The following PCSK2 variants were observed in gnomAD, a reference collection of about 807,000 sequenced individuals.
PCSK2 encodes neuroendocrine convertase 2.
A neutral mutation model predicts 69.7 loss-of-function variants in PCSK2; 14 were observed. The observed-to-expected ratio is 0.20, with a 90% CI of 0.13 to 0.31. PCSK2 has a LOEUF of 0.31. Ranked by LOEUF, PCSK2 falls within the 10% of genes least tolerant of loss-of-function variation. The probability of loss-of-function intolerance (pLI) is 1.00; values close to 1 mark genes in which losing one functional copy is unlikely to be tolerated. For missense variants in PCSK2, 544 were observed against 842.5 expected (o/e 0.65, Z 4.39); for synonymous variants, 307 against 320.7 (o/e 0.96, Z 0.46).
At position 17,231,981 on chromosome 20, in the gene PCSK2, G is replaced by T. The variant is rs562843600; in HGVS notation, c.177+4499G>T. 2.3e-3 allele frequency among the ~76,000 whole-genome samples: 357 copies of T among 152,240 alleles called. 1 individual carries two copies. The highest frequency in any genetic ancestry group is 8.4e-3 in the African/African-American group (349 of 41,542). ...CCTTCAGGAAGAGCCCACTCTCCTT[G>T]CAAGGTTAACCTGATTCGTTCAAGC... On this transcript the variant is annotated intron_variant, in intron 1 of 11. Transcript: ENST00000262545.
At chr20:17,387,627 C>T (rs910304318) in intron 5 of PCSK2, among the ~76,000 whole-genome samples, 51 of 152,152 alleles carry the variant, frequency 3.4e-4, no homozygotes, top group African/African-American at 1.2e-3. Context: ...GCTACAATAT[C>T]TTTTACGATC....
intron 2 of PCSK2, among the ~76,000 whole-genome samples, chr20:17,269,124 T>C (rs1987757487): frequency 6.6e-6 from 1 of 152,168 alleles, no homozygotes; most frequent in South Asian, 2.1e-4. Flanking sequence ...AGATTTGTAT[T>C]AAGTAACCAA....
At chr20:17,460,061 C>G (rs77173099) in intron 10 of PCSK2, among the ~76,000 whole-genome samples, 1 of 152,116 alleles carries the variant, frequency 6.6e-6, no homozygotes, top group Non-Finnish European at 1.5e-5. Context: ...TTTAGGGTAC[C>G]GGGGTACCAT....
chr20:17,337,017 T>C (rs1344560164), intron 2 of PCSK2, among the ~76,000 whole-genome samples: 2 of 152,186 alleles, frequency 1.3e-5, no homozygotes, highest in East Asian at 3.9e-4. Context: ...CAAGAAACCA[T>C]GCATCAACAT....
intron 8 of PCSK2, among the ~76,000 whole-genome samples, chr20:17,443,737 C>A (rs2123363792): frequency 6.6e-6 from 1 of 152,282 alleles, no homozygotes; most frequent in Non-Finnish European, 1.5e-5. Context: ...CAGGATATTT[C>A]TCTCTCCTCC....
rs1990319986 is a variant in PCSK2, at chr20:17,335,426, T to TG, written c.283-22901_283-22900insG. Among the ~76,000 whole-genome samples, 9 of 140,186 alleles carry TG rather than the reference T, an allele frequency of 6.4e-5. No individual in the cohort carries two copies. In the South Asian group the frequency reaches 7.1e-4, roughly 11 times the overall value. 92.0% of individuals were successfully genotyped at this position (140,186 alleles called of 152,430 possible). A position where few individuals can be genotyped will look rare whatever the true frequency, so the allele number is the denominator to read the frequency against. ...AAGTCAGACAGCATCACAGCATCACTTTGTGTGTGTGTGTGTGTGTGTGTG... is the reference window on the plus strand; with the variant it reads ...AAGTCAGACAGCATCACAGCATCACTGTTGTGTGTGTGTGTGTGTGTGTGTG... On this transcript the variant is annotated intron_variant, in intron 2 of 11. Coordinates refer to ENST00000262545, the MANE Select transcript of PCSK2 (RefSeq NM_002594.5).
intron 2 of PCSK2, among the ~76,000 whole-genome samples, chr20:17,294,131 G>A (rs1988795998): frequency 8.2e-6 from 1 of 122,692 alleles, no homozygotes; most frequent in South Asian, 2.7e-4. Context: ...TTGAGACGGA[G>A]TCCCGCTGTT....
rs2031636803 is a variant in PCSK2 at position 17,401,511 on chromosome 20, G to A, written c.544-7752G>A. Among the ~76,000 whole-genome samples, 2 of 152,064 alleles carry A rather than the reference G, an allele frequency of 1.3e-5. 1 individual carries two copies. The highest frequency in any genetic ancestry group is 1.3e-4 in the Admixed American group (2 of 15,264). ...CCACCTCTTAATACAAACACACAGGGGGTTATATGTCAACATATGAATTTT... is the reference window on the plus strand; with the variant it reads ...CCACCTCTTAATACAAACACACAGGAGGTTATATGTCAACATATGAATTTT... On this transcript the variant is annotated intron_variant, in intron 5 of 11. Transcript: ENST00000262545.
At chr20:17,339,009 C>T (rs142725502) in intron 2 of PCSK2, among the ~76,000 whole-genome samples, 1 of 152,182 alleles carries the variant, frequency 6.6e-6, no homozygotes, top group African/African-American at 2.4e-5. Context: ...TCAAGGAATC[C>T]CGTCTAGTTT....
intron 11 of PCSK2, among the ~76,000 whole-genome samples, chr20:17,480,959 G>C (rs1307366333): frequency 6.6e-6 from 1 of 152,186 alleles, no homozygotes; most frequent in Non-Finnish European, 1.5e-5. Context: ...TCGTGCCTGG[G>C]GTGGGAAGCA....
rs529774300 is a variant in PCSK2, at chr20:17,406,359, T to C, written c.544-2904T>C. Among the ~76,000 whole-genome samples, 41 of 152,376 alleles carry C rather than the reference T, an allele frequency of 2.7e-4. No individual in the cohort carries two copies. In the South Asian group the frequency reaches 7.9e-3, roughly 29 times the overall value. ...CAGCCAAACAAGAATAACAACTGTT[T>C]GCCTTCCTTAATGTTCAGTGTAGAC... On this transcript the variant is annotated intron_variant, in intron 5 of 11. Transcript: ENST00000262545.
intron 2 of PCSK2, among the ~76,000 whole-genome samples, chr20:17,327,918 AC>A (rs1990109546): frequency 6.6e-6 from 1 of 152,202 alleles, no homozygotes; most frequent in Non-Finnish European, 1.5e-5. Context: ...CCTCAAAAAC[AC>A]CAAGTAAATC....
At chr20:17,397,073 T>C (rs2031527069) in intron 5 of PCSK2, among the ~76,000 whole-genome samples, 1 of 152,224 alleles carries the variant, frequency 6.6e-6, no homozygotes, top group African/African-American at 2.4e-5. Flanking sequence ...CACCTAGAGT[T>C]ACCTATGTGC....
intron 5 of PCSK2, among the ~76,000 whole-genome samples, chr20:17,369,587 G>A (rs1165163132): frequency 6.6e-6 from 1 of 152,204 alleles, no homozygotes; most frequent in Non-Finnish European, 1.5e-5. Context: ...TCCCATTGGA[G>A]CCACAGCTCA....
chr20:17,441,074 G>A (rs191298278), intron 8 of PCSK2, among the ~76,000 whole-genome samples: 6 of 152,070 alleles, frequency 3.9e-5, no homozygotes, highest in East Asian at 1.9e-4. Context: ...TCGTGGCTCC[G>A]GCTCTCCAAC....
At chr20:17,427,813 T>C (rs1442053401) in intron 6 of PCSK2, among the ~76,000 whole-genome samples, 1 of 152,162 alleles carries the variant, frequency 6.6e-6, no homozygotes, top group African/African-American at 2.4e-5. Context: ...TGTCAGGCAT[T>C]ACAGGTTATG....
intron 6 of PCSK2, among the ~76,000 whole-genome samples, chr20:17,421,806 G>GCAAAAAAAAAAAAAAAAAAA (rs1568642567): frequency 4.2e-5 from 1 of 23,538 alleles, no homozygotes. Context: ...AGGAAGAGAG[G>GCAAAAAAAAAAAAAAAAAAA]TAAAAAAAAA....
At chr20:17,227,504 G>T (rs368264754) in intron 1 of PCSK2, 22 bp downstream of exon 1, 3 of 1,600,912 alleles carry the variant, frequency 1.9e-6, no homozygotes, top group South Asian at 1.1e-5. Flanking sequence ...CATGCATTTC[G>T]CATGTTGTTT....
chr20:17,459,633 CATATT>C (rs989257062), intron 10 of PCSK2, among the ~76,000 whole-genome samples: 7 of 152,144 alleles, frequency 4.6e-5, no homozygotes, highest in African/African-American at 1.7e-4. Flanking sequence ...GCAGTGGAGT[CATATT>C]ATAGTTTTAA....
Sources: gnomAD v4.1 joint callset for allele counts (sites outside exome capture counted in the v4.1 genomes callset) on GRCh38, gnomAD v4.1.1 for gene constraint, MANE v1.5 for transcripts, NCBI Gene and HGNC (gene_info 2026-07-23, HGNC 2026-07-21) for gene names.